The following FAM107B variants were observed in gnomAD, a reference collection of about 807,000 sequenced individuals.
FAM107B encodes the protein family with sequence similarity 107 member B.
A neutral mutation model predicts 31.5 loss-of-function variants in FAM107B; 21 were observed. That is an observed-to-expected ratio of 0.67 (90% CI 0.47 to 0.96). The LOEUF (loss-of-function observed/expected upper bound fraction) is 0.96, where lower values mean the gene tolerates loss of function less well. FAM107B is among the 40% of genes least tolerant of loss of function. FAM107B has a pLI of 0.00. For synonymous variants in FAM107B, 157 were observed against 141.5 expected (o/e 1.11, Z -0.78); for missense variants, 452 against 377.1 (o/e 1.20, Z -1.64).
At chr10:14,751,082 C>T (rs1450221190) in intron 1 of FAM107B, among the ~76,000 whole-genome samples, 3 of 152,160 alleles carry the variant, frequency 2.0e-5, no homozygotes, top group Admixed American at 6.5e-5. Context: ...TGTTGACATC[C>T]GCTAGGTAAT....
At chr10:14,703,296 T>C (rs1471066307) in intron 1 of FAM107B, among the ~76,000 whole-genome samples, 2 of 152,042 alleles carry the variant, frequency 1.3e-5, no homozygotes, top group East Asian at 3.9e-4. Context: ...CTACAAAGTC[T>C]TCCTAAGTTT....
chr10:14,524,291 C>T (rs1443066022), intron 3 of FAM107B, among the ~76,000 whole-genome samples: 1 of 152,174 alleles, frequency 6.6e-6, no homozygotes, highest in Non-Finnish European at 1.5e-5. Flanking sequence ...CGTCTACCTG[C>T]CTTGGCCTCC....
In FAM107B at chr10:14,577,862, T is replaced by C. The variant is rs142876901; in HGVS notation, c.470-47347A>G. On this transcript the variant is annotated intron_variant, in intron 2 of 4. Transcript: ENST00000181796. ...AAGTCGTTTCTCTTTAAGATAAACA[T>C]TTTAGGACAGTTAATATTTCTGTAA... Among the ~76,000 whole-genome samples, 53 of 152,270 alleles carry C rather than the reference T, an allele frequency of 3.5e-4. 1 individual carries two copies. The East Asian group carries it at 0.01, about 29-fold the overall frequency.
chr10:14,568,173 G>A, intron 2 of FAM107B, among the ~76,000 whole-genome samples: 1 of 152,248 alleles, frequency 6.6e-6, no homozygotes, highest in East Asian at 1.9e-4. Flanking sequence ...CGAGGGGAAG[G>A]GTCATGACCC....
At chr10:14,576,739 G>A (rs1344715148) in intron 2 of FAM107B, among the ~76,000 whole-genome samples, 1 of 152,066 alleles carries the variant, frequency 6.6e-6, no homozygotes, top group Non-Finnish European at 1.5e-5. Context: ...CTATAAAACA[G>A]GAATAAGGCT....
At chr10:14,742,184 C>T (rs1469489030) in intron 1 of FAM107B, among the ~76,000 whole-genome samples, 2 of 152,052 alleles carry the variant, frequency 1.3e-5, no homozygotes, top group Admixed American at 6.6e-5. Context: ...AAATCATGAC[C>T]CAACTCACTG....
intron 2 of FAM107B, among the ~76,000 whole-genome samples, chr10:14,620,166 G>A (rs773960555): frequency 2.0e-4 from 31 of 151,842 alleles, no homozygotes; most frequent in African/African-American, 2.9e-4. Flanking sequence ...CTACAGGCGC[G>A]TGCCACCATG....
chr10:14,671,737 A>T (rs1430505585), intron 1 of FAM107B, among the ~76,000 whole-genome samples: 2 of 152,144 alleles, frequency 1.3e-5, no homozygotes, highest in Non-Finnish European at 2.9e-5. Flanking sequence ...AAGCCCACAC[A>T]AAGGAAGGCA....
chr10:14,746,896 G>T (rs1206169336), intron 1 of FAM107B, among the ~76,000 whole-genome samples: 3 of 152,134 alleles, frequency 2.0e-5, no homozygotes, highest in Non-Finnish European at 4.4e-5. Flanking sequence ...TTTCCAACTT[G>T]GTTCTATTCT....
chr10:14,774,872 G>A lies in FAM107B; in HGVS notation c.-209C>T. 1 of 582,662 alleles carries A rather than the reference G, an allele frequency of 1.7e-6. No homozygotes were observed. The highest frequency in any genetic ancestry group is 2.9e-5 in the East Asian group (1 of 34,376). The allele number at this position is 582,662 out of a possible 1,614,324, so 36.1% of individuals were successfully genotyped here. ...GGGCCCCTTTGAAAGTGTCCATCCTGGGCAATTTCGCGCTCTTCCTTCTGT... is the reference window on the plus strand; with the variant it reads ...GGGCCCCTTTGAAAGTGTCCATCCTAGGCAATTTCGCGCTCTTCCTTCTGT... On this transcript the variant is annotated 5_prime_UTR_variant, in exon 1 of 5. Coordinates refer to ENST00000181796, the MANE Select transcript of FAM107B (RefSeq NM_031453.4).
At chr10:14,707,866 C>T (rs999805048) in intron 1 of FAM107B, among the ~76,000 whole-genome samples, 1 of 152,026 alleles carries the variant, frequency 6.6e-6, no homozygotes. Flanking sequence ...TCAATGAATC[C>T]CAGCTTGTGA....
chr10:14,629,195 CTA>C (rs1283831692), intron 2 of FAM107B, among the ~76,000 whole-genome samples: 1 of 118,126 alleles, frequency 8.5e-6, no homozygotes, highest in Non-Finnish European at 1.7e-5. Flanking sequence ...TATATATATA[CTA>C]TATATATAAA....
At chr10:14,660,548 A>G (rs1310971425) in intron 2 of FAM107B, among the ~76,000 whole-genome samples, 1 of 152,160 alleles carries the variant, frequency 6.6e-6, no homozygotes, top group Non-Finnish European at 1.5e-5. Flanking sequence ...TGTAATTTCT[A>G]CTCATTTGGT....
intron 2 of FAM107B, among the ~76,000 whole-genome samples, chr10:14,648,448 A>G (rs1853821218): frequency 6.6e-6 from 1 of 152,222 alleles, no homozygotes; most frequent in African/African-American, 2.4e-5. Flanking sequence ...AACTCAAGCT[A>G]TTCAGATATC....
At chr10:14,678,229 G>T (rs1854736450) in intron 1 of FAM107B, among the ~76,000 whole-genome samples, 1 of 152,174 alleles carries the variant, frequency 6.6e-6, no homozygotes, top group African/African-American at 2.4e-5. Flanking sequence ...GGTGGTTGTT[G>T]TTAGGGTAAA....
At chr10:14,623,777 G>A (rs1274442483) in intron 2 of FAM107B, among the ~76,000 whole-genome samples, 1 of 152,192 alleles carries the variant, frequency 6.6e-6, no homozygotes, top group African/African-American at 2.4e-5. Flanking sequence ...AGTGAGCTGA[G>A]ATCGCCCACT....
intron 2 of FAM107B, among the ~76,000 whole-genome samples, 181 bp from the exon 3 acceptor site, chr10:14,530,696 G>A (rs975152973): frequency 4.6e-5 from 7 of 152,196 alleles, no homozygotes; most frequent in Non-Finnish European, 8.8e-5. Flanking sequence ...GGGCAGGGAA[G>A]AGAATGGTGG....
chr10:14,769,948 T>A (rs1833263778), intron 1 of FAM107B, among the ~76,000 whole-genome samples: 1 of 152,182 alleles, frequency 6.6e-6, no homozygotes, highest in Admixed American at 6.5e-5. Context: ...GGTGCAGTGT[T>A]AAGTTGGATT....
At chr10:14,587,025 C>T (rs1416306657) in intron 2 of FAM107B, among the ~76,000 whole-genome samples, 5 of 152,162 alleles carry the variant, frequency 3.3e-5, no homozygotes, top group Admixed American at 2.0e-4. Flanking sequence ...TAAACAATCA[C>T]GTATGACATC....
Sources: allele counts gnomAD v4.1 joint callset (sites outside exome capture counted in the v4.1 genomes callset), GRCh38; gene constraint gnomAD v4.1.1; transcripts MANE v1.5; gene names NCBI Gene and HGNC (gene_info 2026-07-23, HGNC 2026-07-21).